TDRD1: variants seen among roughly 807,000 people sequenced by gnomAD.
TDRD1 encodes tudor domain-containing protein 1.
In TDRD1, 37 loss-of-function variants were observed where a neutral mutation model predicts 140.6. That is an observed-to-expected ratio of 0.26 (90% CI 0.20 to 0.35). The LOEUF is 0.35. Among genes scored for constraint, TDRD1 ranks in the 10% least tolerant of loss-of-function variants. The pLI, the probability that TDRD1 is intolerant of heterozygous loss-of-function variation, is 1.00. For synonymous variants in TDRD1, 506 were observed against 475.7 expected (o/e 1.06, Z -0.83); for missense variants, 1,243 against 1,393.0 (o/e 0.89, Z 1.71).
chr10:114,224,509 T>C (rs2036323704), intron 21 of TDRD1, among the ~76,000 whole-genome samples: 1 of 152,182 alleles, frequency 6.6e-6, no homozygotes, highest in Middle Eastern at 3.2e-3. Context: ...GCTTTTGTTT[T>C]CTGTTCTGTT....
At chr10:114,218,261 A>G (rs1001089984) in intron 17 of TDRD1, among the ~76,000 whole-genome samples, 153 bp from the exon 18 acceptor site, 1 of 152,192 alleles carries the variant, frequency 6.6e-6, no homozygotes, top group Non-Finnish European at 1.5e-5. Context: ...CATTCTAGAG[A>G]TTTTTGAATT....
intron 4 of TDRD1, among the ~76,000 whole-genome samples, chr10:114,200,631 C>A (rs1466791173): frequency 6.6e-6 from 1 of 152,116 alleles, no homozygotes; most frequent in Non-Finnish European, 1.5e-5. Context: ...TCAGGCGATT[C>A]TCCTGCCTCA....
At chr10:114,200,921 T>C (rs1212764403) in intron 4 of TDRD1, among the ~76,000 whole-genome samples, 1 of 137,118 alleles carries the variant, frequency 7.3e-6, no homozygotes, top group East Asian at 2.4e-4. Context: ...AGTGGTACAA[T>C]CTCAGCTCAC....
rs746213162 is a variant in TDRD1 at position 114,199,189 on chromosome 10, T to G, written c.401T>G (p.Val134Gly). ...TCTTAATAGAAGCCTGGAAATAATG[T>G]ACGTCCTGCAAAATCAAAAAAACTA... Residue 134 changes from valine to glycine, a missense_variant, in exon 4 of 26, where the codon GTA (valine) becomes GGA (glycine). Around this residue, in one of 5 missense-constraint regions of TDRD1, gnomAD observed 237 missense variants for 215.5 expected, o/e 1.10. Transcript: ENST00000251864. 4 of 1,612,594 alleles carry G rather than the reference T, an allele frequency of 2.5e-6. No homozygotes were observed. The African/African-American group carries it at 5.3e-5, about 22-fold the overall frequency.
chr10:114,225,929 T>C, intron 21 of TDRD1, 120 bp from the exon 22 acceptor site: 1 of 825,148 alleles, frequency 1.2e-6, no homozygotes, highest in Admixed American at 2.1e-5. Flanking sequence ...TAATTTGAAC[T>C]GTAACCAGAA....
At chr10:114,189,783 TAATGA>T (rs1404053168) in intron 2 of TDRD1, among the ~76,000 whole-genome samples, 3 of 152,168 alleles carry the variant, frequency 2.0e-5, no homozygotes, top group South Asian at 2.1e-4. Flanking sequence ...TGCTATTGCA[TAATGA>T]AATGTGTCAA....
chr10:114,231,416 G>C (rs759393261), intron 25 of TDRD1: 7 of 1,278,320 alleles, frequency 5.5e-6, no homozygotes, highest in Non-Finnish European at 7.8e-6. Flanking sequence ...GCTTGTATTT[G>C]AAATTAAAAG....
intron 3 of TDRD1, among the ~76,000 whole-genome samples, chr10:114,197,661 CT>C (rs58887319): frequency 0.46 from 61,423 of 133,978 alleles, 15,961 homozygotes; most frequent in African/African-American, 0.77. Flanking sequence ...TATTATGAGA[CT>C]TTTTTTTTTT....
chr10:114,201,312 T>C lies in TDRD1; in HGVS notation c.530-98T>C, dbSNP rs111792444. The C allele has an allele frequency of 2.7e-3, 2,557 of 950,604 alleles. 37 individuals are homozygous for C. In the African/African-American group the frequency reaches 0.037, roughly 14 times the overall value. The allele number at this position is 950,604 out of a possible 1,614,324, so 58.9% of individuals were successfully genotyped here. On this transcript the variant is annotated intron_variant, in intron 4 of 25. Transcript: ENST00000251864. ...GAACACCTGATCCTAAATAGCACAATTCTCTTGCCATGGCTAATAGAATGA... is the reference window on the plus strand; with the variant it reads ...GAACACCTGATCCTAAATAGCACAACTCTCTTGCCATGGCTAATAGAATGA...
intron 2 of TDRD1, 24 bp from the exon 3 acceptor site, chr10:114,190,937 T>C: frequency 6.2e-7 from 1 of 1,611,954 alleles, no homozygotes; most frequent in Non-Finnish European, 8.5e-7. Context: ...GGCTTTTATT[T>C]GAAATTGTGT....
chr10:114,180,071 C>T (rs773881160), intron 1 of TDRD1: 3 of 152,194 alleles, frequency 2.0e-5, no homozygotes, highest in Non-Finnish European at 2.9e-5. Context: ...CCCACGTCTC[C>T]CTTGTTTATC....
At chr10:114,189,719 A>G (rs1444669966) in intron 2 of TDRD1, among the ~76,000 whole-genome samples, 1 of 152,152 alleles carries the variant, frequency 6.6e-6, no homozygotes, top group East Asian at 1.9e-4. Context: ...AGCCTCCCAA[A>G]ACCCTGGGAT....
At chr10:114,220,303 T>C (rs1041905168) in intron 18 of TDRD1, among the ~76,000 whole-genome samples, 3 of 152,192 alleles carry the variant, frequency 2.0e-5, no homozygotes, top group Non-Finnish European at 2.9e-5. Context: ...ACAGTACTCC[T>C]TTTTCTATTG....
At chr10:114,189,572 C>T (rs2033807117) in intron 2 of TDRD1, among the ~76,000 whole-genome samples, 1 of 152,092 alleles carries the variant, frequency 6.6e-6, no homozygotes, top group South Asian at 2.1e-4. Context: ...TGGTGAGATG[C>T]ATGATGATAT....
chr10:114,189,255 G>A (rs1451276623), intron 2 of TDRD1, among the ~76,000 whole-genome samples: 4 of 152,186 alleles, frequency 2.6e-5, no homozygotes, highest in African/African-American at 7.2e-5. Flanking sequence ...TAGTATTTGT[G>A]TAATGAAATG....
At chr10:114,186,655 AT>A (rs1260862088) in intron 1 of TDRD1, among the ~76,000 whole-genome samples, 1 of 152,186 alleles carries the variant, frequency 6.6e-6, no homozygotes, top group African/African-American at 2.4e-5. Context: ...AGGCGTGCTT[AT>A]CCATAACAGT....
At chr10:114,209,639 TTCAACAA>T (rs1040460481) in intron 11 of TDRD1, among the ~76,000 whole-genome samples, 43 of 152,250 alleles carry the variant, frequency 2.8e-4, no homozygotes, top group African/African-American at 9.9e-4. Context: ...CTAACATAAC[TTCAACAA>T]TCGATTGTAA....
intron 9 of TDRD1, 147 bp downstream of exon 9, chr10:114,204,363 T>C: frequency 2.3e-6 from 2 of 884,228 alleles, no homozygotes; most frequent in Non-Finnish European, 3.2e-6. Context: ...TATCTTGACC[T>C]TATTTAGTTA....
intron 8 of TDRD1, among the ~76,000 whole-genome samples, 181 bp downstream of exon 8, chr10:114,203,748 A>G (rs538882371): frequency 6.6e-6 from 1 of 152,220 alleles, no homozygotes; most frequent in Non-Finnish European, 1.5e-5. Flanking sequence ...ACTCCTCTCC[A>G]ACTCTGTTTA....
Sources: allele counts gnomAD v4.1 joint callset (sites outside exome capture counted in the v4.1 genomes callset), GRCh38; gene constraint gnomAD v4.1.1; regional missense constraint gnomAD v4.1.1; transcripts MANE v1.5; gene names NCBI Gene and HGNC (gene_info 2026-07-23, HGNC 2026-07-21).